Variants in C12orf42 observed in about 807,000 individuals in gnomAD.
C12orf42 encodes the protein chromosome 12 open reading frame 42.
Under a neutral mutation model 21.6 loss-of-function variants are expected in C12orf42, and 25 were observed. The observed-to-expected ratio is 1.16, with a 90% CI of 0.84 to 1.62. The LOEUF is 1.62. Among genes scored for constraint, C12orf42 ranks in the 40% most tolerant of loss-of-function variants. The pLI, the probability that C12orf42 is intolerant of heterozygous loss-of-function variation, is 0.00. For missense variants in C12orf42, 483 were observed against 459.3 expected (o/e 1.05, Z -0.47); for synonymous variants, 174 against 175.0 (o/e 0.99, Z 0.05).
chr12:103,469,920 T>C (rs1007253039), intron 2 of C12orf42, among the ~76,000 whole-genome samples: 11 of 152,226 alleles, frequency 7.2e-5, no homozygotes, highest in African/African-American at 2.7e-4. Context: ...AAAGTTATTA[T>C]ATATAGCTCA....
At chr12:103,049,458 TA>T in the C12orf42 span, among the ~76,000 whole-genome samples, 1 of 152,186 alleles carries the variant, frequency 6.6e-6, no homozygotes, top group African/African-American at 2.4e-5. Flanking sequence ...TCACCTGGAT[TA>T]AGGTGATGGC....
intron 4 of C12orf42, among the ~76,000 whole-genome samples, chr12:103,344,514 G>A (rs563598594): frequency 4.6e-5 from 7 of 152,084 alleles, no homozygotes; most frequent in Non-Finnish European, 1.0e-4. Flanking sequence ...CCCCTACTTT[G>A]CTGCCTATAT....
the C12orf42 span, among the ~76,000 whole-genome samples, chr12:103,175,468 T>C: frequency 6.6e-6 from 1 of 152,194 alleles, no homozygotes; most frequent in African/African-American, 2.4e-5. Context: ...CTAGAAGTTT[T>C]AAAATGCATA....
At chr12:103,158,770 C>T in the C12orf42 span, among the ~76,000 whole-genome samples, 1 of 151,528 alleles carries the variant, frequency 6.6e-6, no homozygotes, top group South Asian at 2.1e-4. Flanking sequence ...ATCCCAGCTA[C>T]TTGGGAGGCT....
At chr12:103,071,417 T>C in the C12orf42 span, among the ~76,000 whole-genome samples, 1 of 152,170 alleles carries the variant, frequency 6.6e-6, no homozygotes, top group South Asian at 2.1e-4. Context: ...ACAACTCTGC[T>C]ACTTCTGATT....
chr12:103,206,961 T>C, the C12orf42 span, among the ~76,000 whole-genome samples: 1 of 152,206 alleles, frequency 6.6e-6, no homozygotes, highest in African/African-American at 2.4e-5. Flanking sequence ...CTAGAGATTA[T>C]GTCACTGTGC....
At chr12:103,378,950 G>C (rs566569598) in intron 3 of C12orf42, among the ~76,000 whole-genome samples, 5 of 152,186 alleles carry the variant, frequency 3.3e-5, no homozygotes, top group African/African-American at 1.2e-4. Context: ...ATGAAGAAAA[G>C]ATAGGGTTTT....
chr12:103,476,051 C>A (rs925604021), intron 2 of C12orf42, among the ~76,000 whole-genome samples: 1 of 152,116 alleles, frequency 6.6e-6, no homozygotes, highest in Non-Finnish European at 1.5e-5. Flanking sequence ...TTTAGAAATA[C>A]AGAGTGTGCA....
At chr12:103,097,167 A>G in the C12orf42 span, among the ~76,000 whole-genome samples, 1 of 152,198 alleles carries the variant, frequency 6.6e-6, no homozygotes. Flanking sequence ...CCTAACTGGA[A>G]AGTTAGAGTA....
chr12:103,254,866 G>C (rs1031276627), intron 10 of C12orf42, among the ~76,000 whole-genome samples: 1 of 151,854 alleles, frequency 6.6e-6, no homozygotes, highest in Non-Finnish European at 1.5e-5. Context: ...CATGGCACAC[G>C]TTTACCTCTG....
the C12orf42 span, among the ~76,000 whole-genome samples, chr12:103,177,378 G>A: frequency 2.6e-5 from 4 of 152,146 alleles, no homozygotes; most frequent in South Asian, 8.3e-4. Context: ...TTACCCCTAA[G>A]TATCTACCTA....
chr12:103,059,658 A>G, the C12orf42 span, among the ~76,000 whole-genome samples: 1 of 152,224 alleles, frequency 6.6e-6, no homozygotes, highest in Non-Finnish European at 1.5e-5. Flanking sequence ...CCAAGGATGC[A>G]AGGCTGGTTC....
At chr12:103,277,720 C>T (rs1437915195) in intron 4 of C12orf42, among the ~76,000 whole-genome samples, 2 of 151,724 alleles carry the variant, frequency 1.3e-5, no homozygotes, top group Admixed American at 6.6e-5. Context: ...CCCGGGTTCA[C>T]GCCATTCTCC....
chr12:103,237,166 A>C (rs1207428637), downstream of C12orf42, among the ~76,000 whole-genome samples: 1 of 152,214 alleles, frequency 6.6e-6, no homozygotes, highest in Non-Finnish European at 1.5e-5. Flanking sequence ...CTGGCCTAAG[A>C]GGTATAACAC....
At chr12:103,353,836 G>A (rs2043303150) in intron 4 of C12orf42, among the ~76,000 whole-genome samples, 1 of 152,140 alleles carries the variant, frequency 6.6e-6, no homozygotes, top group African/African-American at 2.4e-5. Flanking sequence ...CTTCACGAGG[G>A]TGAGCAACCT....
intron 1 of C12orf42, among the ~76,000 whole-genome samples, chr12:103,482,740 T>C (rs548664289): frequency 1.3e-5 from 2 of 152,262 alleles, no homozygotes; most frequent in Admixed American, 1.3e-4. Context: ...TGATTAAATT[T>C]GTTAGACCTT....
intron 4 of C12orf42, among the ~76,000 whole-genome samples, chr12:103,330,850 T>C (rs2041182806): frequency 6.6e-6 from 1 of 152,144 alleles, no homozygotes. Context: ...ACCAACAGCT[T>C]CAAACACAGT....
the C12orf42 span, among the ~76,000 whole-genome samples, chr12:103,198,352 T>C: frequency 3.3e-5 from 5 of 152,132 alleles, no homozygotes. Flanking sequence ...GAGGCTGCAC[T>C]GCAATTGAGC....
chr12:103,491,263 T>A (rs558497511), intron 1 of C12orf42, among the ~76,000 whole-genome samples: 11 of 152,344 alleles, frequency 7.2e-5, no homozygotes, highest in Admixed American at 5.9e-4. Context: ...TTCCCATCAA[T>A]ATAATAATAT....
Sources: gnomAD v4.1 joint callset for allele counts (sites outside exome capture counted in the v4.1 genomes callset) on GRCh38, gnomAD v4.1.1 for gene constraint, MANE v1.5 for transcripts, NCBI Gene and HGNC (gene_info 2026-07-23, HGNC 2026-07-21) for gene names.